The following POLA1 variants were observed in gnomAD, a reference collection of about 807,000 sequenced individuals.
POLA1 encodes DNA polymerase alpha 1, catalytic subunit.
Under a neutral mutation model 124.0 loss-of-function variants are expected in POLA1, and 15 were observed. The observed-to-expected ratio is 0.12, with a 90% CI of 0.08 to 0.19. The LOEUF is 0.19. Among genes scored for constraint, POLA1 ranks in the 10% least tolerant of loss-of-function variants. POLA1 has a pLI of 1.00. For synonymous variants in POLA1, 408 were observed against 389.4 expected, an observed-to-expected ratio of 1.05 and a Z score of -0.56; for missense variants, 886 against 1,103.4, an observed-to-expected ratio of 0.80 and a Z score of 2.79.
chrX:24,751,101 T>C (rs769645505), intron 26 of POLA1, among the ~76,000 whole-genome samples: 1 of 112,153 alleles, frequency 8.9e-6, no homozygotes, highest in East Asian at 2.8e-4. Context: ...ACTATTGAGA[T>C]TGGATCAAGG....
Position 24,745,489 on chromosome X carries a change from A to G in POLA1, c.2638A>G (p.Ile880Val), listed in dbSNP as rs1189656791. Residue 880 changes from isoleucine to valine, a missense_variant, in exon 24 of 37, where the codon ATT (isoleucine) becomes GTT (valine). Ile to Val is a conservative substitution (Grantham distance 29). Around this residue, in one of 7 missense-constraint regions of POLA1, gnomAD observed 182 missense variants for 252.8 expected, o/e 0.72. Transcript: ENST00000379068. ...LYPSIIQEFNICFTTVQRVAS... is the reference protein window; with the variant it reads ...LYPSIIQEFNVCFTTVQRVAS... The stretch of plus-strand genomic sequence containing the variant: ...TCCTTCCATCATTCAGGAATTTAAC[A>G]TTTGTTTTACAACAGTACAAAGAGT... 2.6e-6 allele frequency: 3 copies of G among 1,159,060 alleles called. No homozygotes were observed. The highest frequency in any genetic ancestry group is 1.8e-5 in the South Asian group (1 of 54,862).
intron 10 of POLA1, among the ~76,000 whole-genome samples, chrX:24,720,099 A>G (rs966362883): frequency 2.7e-5 from 3 of 111,246 alleles, no homozygotes; most frequent in Non-Finnish European, 3.8e-5. Flanking sequence ...CCCTAGAAAT[A>G]ATTCTCTGTA....
chrX:24,895,769 T>G (rs986500135), intron 35 of POLA1, among the ~76,000 whole-genome samples: 1 of 112,504 alleles, frequency 8.9e-6, no homozygotes, highest in African/African-American at 3.2e-5. Flanking sequence ...GATCTCTCTT[T>G]TGTCTTCTCC....
intron 35 of POLA1, among the ~76,000 whole-genome samples, chrX:24,909,744 TTAAAG>T (rs1195799204): frequency 2.7e-5 from 3 of 111,223 alleles, no homozygotes; most frequent in African/African-American, 9.8e-5. Flanking sequence ...CATATGAACT[TTAAAG>T]TAGTTTTTTC....
At position 24,796,830 on chromosome X, in the gene POLA1, C is replaced by T. The variant is rs183948870; in HGVS notation, c.2965-13068C>T. On this transcript the variant is annotated intron_variant, in intron 26 of 36. Coordinates refer to ENST00000379068, the MANE Select transcript of POLA1 (RefSeq NM_001330360.2). ...TCCACAGGCATATCCTATTCAGTTCCAAAACTGCCCTTGCAGTTCTGGTTG... is the reference window on the plus strand; with the variant it reads ...TCCACAGGCATATCCTATTCAGTTCTAAAACTGCCCTTGCAGTTCTGGTTG... Among the ~76,000 whole-genome samples, 3 of 111,386 alleles carry T rather than the reference C, an allele frequency of 2.7e-5. No individual in the cohort carries two copies. The East Asian group carries it at 8.5e-4, about 31-fold the overall frequency.
intron 5 of POLA1, 73 bp from the exon 6 acceptor site, chrX:24,715,068 T>C: frequency 1.4e-6 from 1 of 706,208 alleles, no homozygotes; most frequent in Non-Finnish European, 2.2e-6. Context: ...TCCTTTCATA[T>C]ACATGTGTGT....
chrX:24,857,849 A>G (rs1246381398), intron 34 of POLA1, among the ~76,000 whole-genome samples: 1 of 111,637 alleles, frequency 9.0e-6, no homozygotes, highest in Non-Finnish European at 1.9e-5. Context: ...TTACATAAAT[A>G]TCTGTATGTG....
rs1441391918 is a variant in POLA1 at position 24,739,620 on chromosome X, C to G, written c.2216+70C>G. ...AACAGCAGGACACTACTAGTACTAT[C>G]CTTAGTCTGGAGGGACATGAGCCAG... On this transcript the variant is annotated intron_variant, in intron 20 of 36. Transcript: ENST00000379068. 12 of 665,032 alleles carry G rather than the reference C, an allele frequency of 1.8e-5. No individual in the cohort carries two copies. The African/African-American group carries it at 2.7e-4, about 15-fold the overall frequency. The allele number at this position is 665,032 out of a possible 1,213,427, so 54.8% of individuals were successfully genotyped here. A position where few individuals can be genotyped will look rare whatever the true frequency, so the allele number is the denominator to read the frequency against.
chrX:24,991,771 AAAAAG>A lies in POLA1; in HGVS notation c.4262-4030_4262-4026del, dbSNP rs776905600. Among the ~76,000 whole-genome samples the A allele has an allele frequency of 5.3e-5, 6 of 112,997 alleles. No homozygotes were observed. The East Asian group carries it at 1.7e-3, about 31-fold the overall frequency. On this transcript the variant is annotated intron_variant, in intron 36 of 36. Coordinates refer to ENST00000379068, the MANE Select transcript of POLA1 (RefSeq NM_001330360.2). ...ATTTTGGTATCAACATAAAAGAAGA[AAAAAG>A]AAAGAAAACTGAAGATAATTATTTC... is the stretch of plus-strand genomic sequence containing the variant.
chrX:24,869,689 A>G (rs1250255420), intron 34 of POLA1, among the ~76,000 whole-genome samples: 1 of 112,074 alleles, frequency 8.9e-6, no homozygotes, highest in Non-Finnish European at 1.9e-5. Context: ...TCAAAGTTGA[A>G]TGATAGCATC....
intron 17 of POLA1, among the ~76,000 whole-genome samples, 159 bp from the exon 18 acceptor site, chrX:24,735,240 A>G (rs969971144): frequency 2.7e-5 from 3 of 112,423 alleles, no homozygotes; most frequent in Admixed American, 1.9e-4. Context: ...AATTATTACT[A>G]TGAAACCTAC....
rs1003826461 is a variant in POLA1, at chrX:24,722,078, T to G, written c.1088-1077T>G. ...ATGAAAATTCTTAGATCGTCTTATT[T>G]CTACCAGGATGTGTGAAAAAAGGAG... On this transcript the variant is annotated intron_variant, in intron 10 of 36. Transcript: ENST00000379068. 3.6e-5 allele frequency among the ~76,000 whole-genome samples: 4 copies of G among 111,892 alleles called. No individual in the cohort carries two copies. The Admixed American group carries it at 3.8e-4, about 11-fold the overall frequency.
At chrX:24,737,591 A>T in intron 18 of POLA1, 34 bp from the exon 19 acceptor site, 1 of 699,479 alleles carries the variant, frequency 1.4e-6, no homozygotes, top group South Asian at 2.3e-5. Context: ...TGCATTTGTT[A>T]TAACATTATC....
At chrX:24,892,670 C>T (rs1429254058) in intron 35 of POLA1, among the ~76,000 whole-genome samples, 1 of 111,809 alleles carries the variant, frequency 8.9e-6, no homozygotes, top group Non-Finnish European at 1.9e-5. Flanking sequence ...GGATTTCAAA[C>T]CAAATTAAAC....
chrX:24,864,379 A>G (rs1279553331), intron 34 of POLA1, among the ~76,000 whole-genome samples: 2 of 112,402 alleles, frequency 1.8e-5, no homozygotes, highest in Non-Finnish European at 3.8e-5. Context: ...TTAACTCTGT[A>G]GTTAGCATCC....
In POLA1 at chrX:24,717,673, C is replaced by T. The variant is rs1389145025; in HGVS notation, c.1002C>T (p.His334=). ...SVQEVQVDSS[H]LPLVKGADEE... is the part of the protein sequence containing the mutation. ...AAGAAGTTCAAGTGGATTCCAGTCA[C>T]CTCCCATTGGTAAAAGGGGCAGATG... Residue 334 remains histidine (H), a synonymous_variant, in exon 10 of 37, where the codon CAC becomes CAT. Transcript: ENST00000379068. 4.2e-6 allele frequency: 5 copies of T among 1,203,082 alleles called. No homozygotes were observed. The highest frequency in any genetic ancestry group is 5.6e-6 in the Non-Finnish European group (5 of 889,301).
At position 24,699,491 on chromosome X, in the gene POLA1, G is replaced by T. The variant is rs371458274; in HGVS notation, c.110G>T (p.Arg37Leu). ...CGAGAAAAAAAATCAAAGAAGGGGC[G>T]CCAAGAAGCCCTAGAAAGACTGAAA... is the stretch of plus-strand genomic sequence containing the variant. Reference protein sequence around the residue: ...ARREKKSKKGRQEALERLKKA... With the variant: ...ARREKKSKKGLQEALERLKKA... The change falls in exon 2 of 37, where the codon CGC becomes CTC. Residue 37 changes from arginine (R) to leucine (L), a missense_variant. Physicochemically the swap from Arg to Leu is moderately radical, Grantham distance 102. Around this residue, in one of 7 missense-constraint regions of POLA1, gnomAD observed 49 missense variants for 39.2 expected, o/e 1.25. Coordinates refer to ENST00000379068, the MANE Select transcript of POLA1 (RefSeq NM_001330360.2). The T allele has an allele frequency of 8.5e-7, 1 of 1,182,825 alleles. No individual in the cohort carries two copies. Among genetic ancestry groups the T allele is most frequent in the Middle Eastern group, 2.3e-4 (1 of 4,270 alleles).
At chrX:24,941,888 T>A (rs1436116183) in intron 36 of POLA1, among the ~76,000 whole-genome samples, 2 of 112,261 alleles carry the variant, frequency 1.8e-5, no homozygotes, top group Admixed American at 1.9e-4. Context: ...GAAAGATAGA[T>A]TTGCTGGCTA....
chrX:24,828,473 C>G (rs1056291651), intron 32 of POLA1, among the ~76,000 whole-genome samples: 1 of 111,969 alleles, frequency 8.9e-6, no homozygotes, highest in African/African-American at 3.2e-5. Flanking sequence ...AAGATGTTTT[C>G]AACCAGGAGC....
Sources: allele counts gnomAD v4.1 joint callset (sites outside exome capture counted in the v4.1 genomes callset), GRCh38; gene constraint gnomAD v4.1.1; regional missense constraint gnomAD v4.1.1; transcripts MANE v1.5; gene names NCBI Gene and HGNC (gene_info 2026-07-23, HGNC 2026-07-21).